PDZD2: variants seen among roughly 807,000 people sequenced by gnomAD.
PDZD2 encodes the protein PDZ domain-containing protein 2.
PDZD2 carries 90 observed loss-of-function variants against 220.7 expected under a neutral mutation model. The observed-to-expected ratio is 0.41, with a 90% confidence interval of 0.34 to 0.49. The LOEUF (loss-of-function observed/expected upper bound fraction) is 0.49, where lower values mean the gene tolerates loss of function less well. Among genes scored for constraint, PDZD2 ranks in the 20% least tolerant of loss-of-function variants. The pLI is 0.28. For synonymous variants in PDZD2, 1,375 were observed against 1,450.5 expected (o/e 0.95, Z 1.18); for missense variants, 3,174 against 3,608.5 (o/e 0.88, Z 3.08).
In PDZD2 at chr5:32,090,497, G is replaced by T. The variant is rs150231394; in HGVS notation, c.7049G>T (p.Arg2350Leu). The change falls in exon 20 of 25, where the codon CGG (arginine) becomes CTG (leucine). Residue 2350 changes from arginine (R) to leucine (L), a missense_variant. This residue lies in a region of PDZD2 where 631 missense variants were observed against 789.9 expected (regional missense o/e 0.80). Coordinates refer to ENST00000438447, the MANE Select transcript of PDZD2 (RefSeq NM_178140.4). The surrounding 1 kb of genome is among the most constrained non-coding windows in gnomAD (Gnocchi z 4.3). ...KSFENLANAD[R>L]PVAKSGASPF... Reference sequence around the variant, plus strand: ...TTTGAGAACCTGGCCAATGCTGACCGGCCTGTAGCCAAGTCCGGGGCTTCC... The same window carrying T: ...TTTGAGAACCTGGCCAATGCTGACCTGCCTGTAGCCAAGTCCGGGGCTTCC... 1.9e-6 allele frequency: 3 copies of T among 1,613,898 alleles called. No individual in the cohort carries two copies. The highest frequency in any genetic ancestry group is 2.5e-6 in the Non-Finnish European group (3 of 1,180,018).
chr5:32,072,992 A>G (rs1390581530), intron 17 of PDZD2, among the ~76,000 whole-genome samples: 1 of 151,104 alleles, frequency 6.6e-6, no homozygotes, highest in Non-Finnish European at 1.5e-5. Context: ...AAGATTAAGA[A>G]CTCATAAGAG....
At chr5:31,661,612 C>T (rs766558180) in intron 1 of PDZD2, 4 of 152,196 alleles carry the variant, frequency 2.6e-5, no homozygotes, top group South Asian at 2.1e-4. Flanking sequence ...CTCTTACACG[C>T]TCTAAAGTAT....
chr5:31,858,775 G>C (rs1433448313), intron 2 of PDZD2, among the ~76,000 whole-genome samples: 2 of 148,352 alleles, frequency 1.3e-5, no homozygotes, highest in African/African-American at 2.5e-5. Flanking sequence ...CTGGAGTGTA[G>C]TGGCATGATT....
rs147625498 is a variant in PDZD2 at position 32,075,618 on chromosome 5, A to G, written c.3537+975A>G. ...GGTTACGAGTATGTTAGAATATCAA[A>G]TTGTTCATTTTTAAAAATGTTCAAT... On this transcript the variant is annotated intron_variant, in intron 18 of 24. Transcript: ENST00000438447. 1.2e-3 allele frequency among the ~76,000 whole-genome samples: 178 copies of G among 152,350 alleles called. 1 individual carries two copies. Among genetic ancestry groups the G allele is most frequent in the African/African-American group, 4.2e-3 (175 of 41,574 alleles).
intron 7 of PDZD2, among the ~76,000 whole-genome samples, chr5:32,038,498 C>G (rs1257430809): frequency 6.6e-6 from 1 of 152,050 alleles, no homozygotes; most frequent in Non-Finnish European, 1.5e-5. Flanking sequence ...GATCACACCA[C>G]TGTACTCCAG....
chr5:31,873,868 G>A (rs1230129268), intron 2 of PDZD2, among the ~76,000 whole-genome samples: 1 of 151,962 alleles, frequency 6.6e-6, no homozygotes, highest in Non-Finnish European at 1.5e-5. Context: ...GTAGCTGGGA[G>A]TACAGGCATG....
At chr5:31,978,714 CAAAAA>C (rs10632600) in intron 2 of PDZD2, among the ~76,000 whole-genome samples, 1 of 127,988 alleles carries the variant, frequency 7.8e-6, no homozygotes. Flanking sequence ...GACTCCATCT[CAAAAA>C]AAAAAAAAAG....
chr5:31,771,999 G>A (rs1471530493), intron 1 of PDZD2, among the ~76,000 whole-genome samples: 4 of 152,190 alleles, frequency 2.6e-5, no homozygotes, highest in Admixed American at 6.5e-5. Context: ...TGAAGGTGGA[G>A]AAGCCCCATC....
At chr5:31,742,902 T>A (rs1231789982) in intron 1 of PDZD2, among the ~76,000 whole-genome samples, 5 of 152,218 alleles carry the variant, frequency 3.3e-5, no homozygotes, top group Non-Finnish European at 7.3e-5. Flanking sequence ...ATGAAGATTA[T>A]TGTTTCTTCT....
chr5:31,745,137 C>T (rs536255258), intron 1 of PDZD2, among the ~76,000 whole-genome samples: 5 of 152,252 alleles, frequency 3.3e-5, no homozygotes, highest in Non-Finnish European at 7.4e-5. Flanking sequence ...GAGATACCCA[C>T]TGCCTTCTCT....
intron 21 of PDZD2, 134 bp from the exon 22 acceptor site, chr5:32,097,145 G>A: frequency 3.1e-6 from 2 of 650,074 alleles, no homozygotes; most frequent in Non-Finnish European, 5.5e-6. Context: ...AGAACCTTTA[G>A]GGCCTGTGGT....
intron 2 of PDZD2, among the ~76,000 whole-genome samples, chr5:31,970,928 A>G (rs1236896211): frequency 1.3e-5 from 2 of 152,180 alleles, no homozygotes; most frequent in Non-Finnish European, 2.9e-5. Context: ...AAATCCATTC[A>G]GATATCCAGC....
chr5:32,021,831 T>G (rs1185736149), intron 6 of PDZD2, among the ~76,000 whole-genome samples: 2 of 152,352 alleles, frequency 1.3e-5, no homozygotes, highest in East Asian at 3.9e-4. Context: ...AATTATCTTT[T>G]AAGCTATGAG....
intron 14 of PDZD2, among the ~76,000 whole-genome samples, chr5:32,063,439 C>G (rs1739886577): frequency 6.6e-6 from 1 of 152,134 alleles, no homozygotes; most frequent in South Asian, 2.1e-4. Flanking sequence ...TGGGTACCAC[C>G]AGCCCATGTG....
At chr5:32,054,312 CTTTTTT>C (rs57135705) in intron 10 of PDZD2, among the ~76,000 whole-genome samples, 1,178 of 69,314 alleles carry the variant, frequency 0.017, 25 homozygotes, top group African/African-American at 0.059. Flanking sequence ...AAATGAACAT[CTTTTTT>C]TTTTTTTTTT....
intron 1 of PDZD2, among the ~76,000 whole-genome samples, chr5:31,765,848 G>A (rs1338584826): frequency 6.6e-6 from 1 of 152,158 alleles, no homozygotes; most frequent in Non-Finnish European, 1.5e-5. Flanking sequence ...GGCTAGTCGT[G>A]AGCTGCTGCT....
Position 32,077,560 on chromosome 5 carries a change from G to C in PDZD2, c.3636G>C (p.Glu1212Asp), listed in dbSNP as rs1477021287. 2 of 1,614,144 alleles carry C rather than the reference G, an allele frequency of 1.2e-6. No individual in the cohort carries two copies. The highest frequency in any genetic ancestry group is 2.2e-5 in the East Asian group (1 of 44,882). ...ATCTGGATGCCAGCCACCTCACAGAGAACCTGCCCAAAGCTGCATCAGAGC... is the reference window on the plus strand; with the variant it reads ...ATCTGGATGCCAGCCACCTCACAGACAACCTGCCCAAAGCTGCATCAGAGC... ...LSHLDASHLT[E>D]NLPKAASELG... Residue 1212 changes from glutamate (E) to aspartate (D), a missense_variant, in exon 19 of 25, where the codon GAG becomes GAC. Transcript: ENST00000438447.
chr5:31,828,534 C>A (rs760497105), intron 2 of PDZD2, among the ~76,000 whole-genome samples: 4 of 152,210 alleles, frequency 2.6e-5, no homozygotes, highest in African/African-American at 4.8e-5. Context: ...GCCACCCAGC[C>A]TGGAGTGCAG....
intron 2 of PDZD2, among the ~76,000 whole-genome samples, chr5:31,813,702 G>C (rs1443743155): frequency 6.6e-6 from 1 of 152,166 alleles, no homozygotes; most frequent in Non-Finnish European, 1.5e-5. Flanking sequence ...AAACAATATA[G>C]CTGCAAAATA....
Sources: gnomAD v4.1 joint callset for allele counts (sites outside exome capture counted in the v4.1 genomes callset) on GRCh38, gnomAD v4.1.1 for gene constraint, gnomAD v4.1.1 regional missense constraint, Gnocchi (gnomAD v3.1) non-coding constraint, MANE v1.5 for transcripts, NCBI Gene and HGNC (gene_info 2026-07-23, HGNC 2026-07-21) for gene names.